GTF2A1L: variants seen among roughly 807,000 people sequenced by gnomAD.
GTF2A1L encodes the protein general transcription factor IIA subunit 1 like.
GTF2A1L carries 48 observed loss-of-function variants against 49.7 expected under a neutral mutation model. The ratio of observed to expected loss-of-function variants is 0.97; its 90% CI spans 0.77 to 1.23. The LOEUF (loss-of-function observed/expected upper bound fraction) is 1.23, where lower values mean the gene tolerates loss of function less well. GTF2A1L is among the 50% of genes most tolerant of loss of function. GTF2A1L has a pLI of 0.00. For synonymous variants in GTF2A1L, 246 were observed against 193.5 expected (o/e 1.27, Z -2.25); for missense variants, 736 against 564.8 (o/e 1.30, Z -3.07).
At position 48,628,191 on chromosome 2, in the gene GTF2A1L, G is replaced by A. The variant is rs569626481; in HGVS notation, c.247+6901G>A. ...GAATAGTACTGTGATGAACATGGGA[G>A]TGCATGTGTCATTTTGGTAGAAAGA... On this transcript the variant is annotated intron_variant, in intron 3 of 8. Coordinates refer to ENST00000403751, the MANE Select transcript of GTF2A1L (RefSeq NM_006872.5). Among the ~76,000 whole-genome samples the A allele has an allele frequency of 8.3e-5, 12 of 144,112 alleles. 4 individuals carry two copies. In the South Asian group the frequency reaches 2.9e-3, roughly 34 times the overall value. The allele number at this position is 144,112 out of a possible 152,430, so 94.5% of individuals were successfully genotyped here. A position where few individuals can be genotyped will look rare whatever the true frequency, so the allele number is the denominator to read the frequency against.
chr2:48,633,702 G>A (rs976631642), intron 3 of GTF2A1L, among the ~76,000 whole-genome samples: 11 of 152,100 alleles, frequency 7.2e-5, no homozygotes, highest in Admixed American at 1.3e-4. Context: ...TTTCTGCCTC[G>A]ATGATCTAAT....
At chr2:48,661,796 G>A (rs970421725) in intron 6 of GTF2A1L, among the ~76,000 whole-genome samples, 1 of 151,686 alleles carries the variant, frequency 6.6e-6, no homozygotes, top group African/African-American at 2.4e-5. Context: ...TTCATATCCT[G>A]GATCTTTAGT....
intron 8 of GTF2A1L, among the ~76,000 whole-genome samples, chr2:48,672,885 T>C (rs1318447204): frequency 6.6e-6 from 1 of 152,172 alleles, no homozygotes; most frequent in Non-Finnish European, 1.5e-5. Flanking sequence ...TTTAGAACCA[T>C]TTTATCACCT....
At position 48,627,959 on chromosome 2, in the gene GTF2A1L, A is replaced by T. The variant is rs530083701; in HGVS notation, c.247+6669A>T. 2.1e-5 allele frequency among the ~76,000 whole-genome samples: 3 copies of T among 144,078 alleles called. 1 individual carries two copies. The South Asian group carries it at 7.1e-4, about 34-fold the overall frequency. 94.5% of individuals were successfully genotyped at this position (144,078 alleles called of 152,430 possible). A position where few individuals can be genotyped will look rare whatever the true frequency, so the allele number is the denominator to read the frequency against. ...TACTCAATGTTTAGCTTCTATTTGA[A>T]AGTAAGAATATGTGGTATTTGTTTT... On this transcript the variant is annotated intron_variant, in intron 3 of 8. Coordinates refer to ENST00000403751, the MANE Select transcript of GTF2A1L (RefSeq NM_006872.5).
At chr2:48,673,170 A>G (rs1437525998) in intron 8 of GTF2A1L, among the ~76,000 whole-genome samples, 1 of 152,192 alleles carries the variant, frequency 6.6e-6, no homozygotes, top group African/African-American at 2.4e-5. Context: ...TTGAATGGAT[A>G]TACCACATTT....
intron 6 of GTF2A1L, among the ~76,000 whole-genome samples, chr2:48,651,316 A>G (rs1677831554): frequency 6.6e-6 from 1 of 152,216 alleles, no homozygotes; most frequent in Non-Finnish European, 1.5e-5. Flanking sequence ...ATGTATCAGC[A>G]GCGACTTTCC....
intron 7 of GTF2A1L, 35 bp from the exon 8 acceptor site, chr2:48,671,556 T>C: frequency 6.3e-7 from 1 of 1,595,368 alleles, no homozygotes; most frequent in Non-Finnish European, 8.5e-7. Flanking sequence ...TAAAGCATCA[T>C]AAAATTCCTT....
At chr2:48,666,584 G>GGTGCGTGTGT (rs1678854902) in intron 6 of GTF2A1L, among the ~76,000 whole-genome samples, 1 of 147,046 alleles carries the variant, frequency 6.8e-6, no homozygotes, top group Non-Finnish European at 1.5e-5. Context: ...AACTTGTCAG[G>GGTGCGTGTGT]GTGTGTGTGT....
At chr2:48,665,827 A>G (rs1449271143) in intron 6 of GTF2A1L, among the ~76,000 whole-genome samples, 1 of 152,038 alleles carries the variant, frequency 6.6e-6, no homozygotes, top group South Asian at 2.1e-4. Context: ...AAGTTGGTTG[A>G]TTGCATTGTC....
rs114849788 is a variant in GTF2A1L at position 48,637,551 on chromosome 2, C to T, written c.248-4851C>T. On this transcript the variant is annotated intron_variant, in intron 3 of 8. Transcript: ENST00000403751. ...AGATCTCAAATTAAGAACGTAACAT[C>T]ACAATTGAAAGAATCAGAGAAGCAA... Among the ~76,000 whole-genome samples the T allele has an allele frequency of 9.6e-4, 146 of 152,080 alleles. 3 individuals carry two copies. The highest frequency in any genetic ancestry group is 3.3e-3 in the African/African-American group (136 of 41,442).
At chr2:48,644,921 A>T in intron 4 of GTF2A1L, 112 bp from the exon 5 acceptor site, 1 of 854,644 alleles carries the variant, frequency 1.2e-6, no homozygotes, top group Non-Finnish European at 1.7e-6. Flanking sequence ...AATGTTAAGT[A>T]TTGTCAAACT....
chr2:48,630,128 AAC>A (rs745507799), intron 3 of GTF2A1L, among the ~76,000 whole-genome samples: 2 of 143,998 alleles, frequency 1.4e-5, no homozygotes, highest in Non-Finnish European at 3.1e-5. Flanking sequence ...TGAATTTTAG[AAC>A]AGTTTTTTTC....
intron 5 of GTF2A1L, among the ~76,000 whole-genome samples, chr2:48,645,472 A>T (rs6718441): frequency 0.96 from 145,967 of 152,292 alleles, 70,008 homozygotes; most frequent in East Asian, 1. Context: ...AAAGATTAGG[A>T]TGATCAACCT....
chr2:48,658,371 T>A (rs539659378), intron 6 of GTF2A1L, among the ~76,000 whole-genome samples: 8 of 152,300 alleles, frequency 5.3e-5, no homozygotes, highest in Middle Eastern at 3.4e-3. Context: ...CCTTTCCCCA[T>A]TGCTTATTTT....
chr2:48,639,615 A>G (rs1677093704), intron 3 of GTF2A1L, among the ~76,000 whole-genome samples: 1 of 152,226 alleles, frequency 6.6e-6, no homozygotes, highest in Non-Finnish European at 1.5e-5. Flanking sequence ...CAACCTAGGC[A>G]ATACCATCTT....
intron 6 of GTF2A1L, among the ~76,000 whole-genome samples, chr2:48,664,170 A>G (rs1185775024): frequency 2.0e-5 from 3 of 152,076 alleles, no homozygotes; most frequent in Admixed American, 6.6e-5. Flanking sequence ...GTACAAAATT[A>G]AATAAGAGTG....
chr2:48,654,951 C>CT (rs754778520), intron 6 of GTF2A1L, among the ~76,000 whole-genome samples: 4 of 152,004 alleles, frequency 2.6e-5, no homozygotes, highest in Non-Finnish European at 5.9e-5. Context: ...CAAATTTGTT[C>CT]TTTTTTCCAA....
At position 48,664,415 on chromosome 2, in the gene GTF2A1L, CTGAT is replaced by C. The variant is rs549076128; in HGVS notation, c.979-5301_979-5298del. On this transcript the variant is annotated intron_variant, in intron 6 of 8. Coordinates refer to ENST00000403751, the MANE Select transcript of GTF2A1L (RefSeq NM_006872.5). ...TCATGTTTTGATATGGTGAGATACA[CTGAT>C]TGATTTTTGAATGTTCAGCTTTCAT... Among the ~76,000 whole-genome samples, 220 of 151,562 alleles carry C rather than the reference CTGAT, an allele frequency of 1.5e-3. 4 individuals are homozygous for C. The Middle Eastern group carries it at 0.017, about 12-fold the overall frequency.
At chr2:48,643,534 C>T (rs1677320386) in intron 4 of GTF2A1L, among the ~76,000 whole-genome samples, 1 of 152,000 alleles carries the variant, frequency 6.6e-6, no homozygotes, top group Non-Finnish European at 1.5e-5. Flanking sequence ...ATACCTCTGC[C>T]TTTGGAATTC....
Sources: gnomAD v4.1 joint callset for allele counts (sites outside exome capture counted in the v4.1 genomes callset) on GRCh38, gnomAD v4.1.1 for gene constraint, MANE v1.5 for transcripts, NCBI Gene and HGNC (gene_info 2026-07-23, HGNC 2026-07-21) for gene names.